The following IFIT1 variants were observed in gnomAD, a reference collection of about 807,000 sequenced individuals.
IFIT1 encodes the protein antiviral innate immune response effector IFIT1.
A neutral mutation model predicts 2.5 loss-of-function variants in IFIT1; 1 was observed. The observed-to-expected ratio is 0.40, with a 90% CI of 0.14 to 1.92. The LOEUF is 1.92. Among genes scored for constraint, IFIT1 ranks in the 40% most tolerant of loss-of-function variants. IFIT1 has a pLI of 0.31. For synonymous variants in IFIT1, 191 were observed against 201.7 expected (o/e 0.95, Z 0.45); for missense variants, 508 against 557.8 (o/e 0.91, Z 0.90).
chr10:89,402,244 C>A (rs903188551), intron 1 of IFIT1, 37 bp from the exon 2 acceptor site: 10 of 1,384,012 alleles, frequency 7.2e-6, no homozygotes, highest in South Asian at 1.3e-5. Context: ...TTAGCTGTTC[C>A]TCACCTAACA....
chr10:89,399,919 G>T (rs1464853486), intron 1 of IFIT1, among the ~76,000 whole-genome samples: 2 of 152,164 alleles, frequency 1.3e-5, no homozygotes, highest in East Asian at 3.8e-4. Context: ...CAGCAAGAAG[G>T]AGCCATCTGC....
chr10:89,398,447 C>A (rs1844376420), intron 1 of IFIT1, among the ~76,000 whole-genome samples: 1 of 152,194 alleles, frequency 6.6e-6, no homozygotes, highest in South Asian at 2.1e-4. Context: ...TCTCTGGCCA[C>A]TAGAGCCAGG....
rs753997422 is a variant in IFIT1, at chr10:89,402,615, G to A, written c.340G>A (p.Ala114Thr). The change falls in exon 2 of 2, where the codon GCC (alanine) becomes ACC (threonine). Residue 114 changes from alanine (A) to threonine (T), a missense_variant. Ala to Thr is a moderately conservative substitution (Grantham distance 58, BLOSUM62 0). Transcript: ENST00000371804. ...TTACCACATGGGCAGACTGGCAGAA[G>A]CCCAGACTTACCTGGACAAGGTGGA... ...MYYHMGRLAEAQTYLDKVENI... is the reference protein window; with the variant it reads ...MYYHMGRLAETQTYLDKVENI... 1.9e-6 allele frequency: 3 copies of A among 1,614,232 alleles called. No individual in the cohort carries two copies. Among genetic ancestry groups the A allele is most frequent in the East Asian group, 4.5e-5 (2 of 44,892 alleles).
rs1412873668 is a variant in IFIT1 at position 89,392,829 on chromosome 10, G to T, written c.5+112G>T. On this transcript the variant is annotated intron_variant, in intron 1 of 1. Transcript: ENST00000371804. ...GTGAGGTCAGGTTTTCTAATTCCTC[G>T]ATTTGAGTATCTGCTTATGGACTGA... The T allele has an allele frequency of 8.2e-6, 9 of 1,094,454 alleles. No individual in the cohort carries two copies. In the East Asian group the frequency reaches 1.7e-4, roughly 21 times the overall value. 67.8% of individuals were successfully genotyped at this position (1,094,454 alleles called of 1,614,324 possible). A position where few individuals can be genotyped will look rare whatever the true frequency, so the allele number is the denominator to read the frequency against.
intron 1 of IFIT1, among the ~76,000 whole-genome samples, chr10:89,394,269 T>G (rs977440541): frequency 1.2e-4 from 18 of 152,140 alleles, no homozygotes; most frequent in African/African-American, 4.3e-4. Flanking sequence ...GGCATTAAAA[T>G]CTTATAGGAC....
In IFIT1 at chr10:89,403,145, G is replaced by A. The variant is rs1589640407; in HGVS notation, c.870G>A (p.Gln290=). The A allele has an allele frequency of 2.5e-6, 4 of 1,614,056 alleles. 1 individual carries two copies. Among genetic ancestry groups the A allele is most frequent in the Middle Eastern group, 1.6e-4 (1 of 6,062 alleles). ...CCACTTCTGTCTTACTGCATCACCA[G>A]ATAGGGCTTTGCTACAAGGCACAAA... ...ETPTSVLLHH[Q]IGLCYKAQMI... The change falls in exon 2 of 2, where the codon CAG becomes CAA. Residue 290 remains glutamine, a synonymous_variant. Coordinates refer to ENST00000371804, the MANE Select transcript of IFIT1 (RefSeq NM_001548.5).
intron 1 of IFIT1, among the ~76,000 whole-genome samples, chr10:89,398,068 T>C (rs79739660): frequency 2.0e-5 from 3 of 152,184 alleles, no homozygotes; most frequent in Admixed American, 2.0e-4. Flanking sequence ...AAACAATCAT[T>C]TCCTATTCCC....
At chr10:89,395,613 G>A (rs1844331261) in intron 1 of IFIT1, among the ~76,000 whole-genome samples, 1 of 152,082 alleles carries the variant, frequency 6.6e-6, no homozygotes, top group African/African-American at 2.4e-5. Context: ...AACCACAAGG[G>A]CATCTGCCTG....
At position 89,402,807 on chromosome 10, in the gene IFIT1, A is replaced by G. The variant is rs1844454541; in HGVS notation, c.532A>G (p.Ser178Gly). ...AGTGGACCCTGAAAACCCTGAATCC[A>G]GCGCTGGGTATGCGATCTCTGCCTA... ...LEVDPENPES[S>G]AGYAISAYRL... The change falls in exon 2 of 2, where the codon AGC becomes GGC. Residue 178 changes from serine (S) to glycine (G), a missense_variant. Ser to Gly is a moderately conservative substitution (Grantham distance 56). Coordinates refer to ENST00000371804, the MANE Select transcript of IFIT1 (RefSeq NM_001548.5). 2 of 1,614,226 alleles carry G rather than the reference A, an allele frequency of 1.2e-6. No homozygotes were observed. Among genetic ancestry groups the G allele is most frequent in the East Asian group, 4.5e-5 (2 of 44,886 alleles).
At position 89,398,619 on chromosome 10, in the gene IFIT1, A is replaced by G. The variant is rs540807209; in HGVS notation, c.6-3662A>G. ...TACTCTAGGTAGCTTATATAAATTG[A>G]ATCATACAATATTGTCCTTTTGTGA... On this transcript the variant is annotated intron_variant, in intron 1 of 1. Transcript: ENST00000371804. Among the ~76,000 whole-genome samples the G allele has an allele frequency of 2.6e-5, 4 of 152,348 alleles. No individual in the cohort carries two copies. The South Asian group carries it at 8.3e-4, about 32-fold the overall frequency.
At chr10:89,395,744 A>G (rs1844333778) in intron 1 of IFIT1, among the ~76,000 whole-genome samples, 1 of 152,204 alleles carries the variant, frequency 6.6e-6, no homozygotes, top group African/African-American at 2.4e-5. Context: ...TCCATGACCA[A>G]ATACCCTGAA....
intron 1 of IFIT1, 103 bp from the exon 2 acceptor site, chr10:89,402,178 T>C (rs1184721454): frequency 1.4e-6 from 1 of 715,786 alleles, no homozygotes; most frequent in Non-Finnish European, 2.3e-6. Flanking sequence ...CTAAGTAAGT[T>C]GATCCTTTCA....
At chr10:89,401,164 C>T (rs545851658) in intron 1 of IFIT1, among the ~76,000 whole-genome samples, 40 of 151,340 alleles carry the variant, frequency 2.6e-4, no homozygotes, top group Admixed American at 2.6e-4. Flanking sequence ...TTACCTAGGC[C>T]AGAGTGCAGT....
intron 1 of IFIT1, among the ~76,000 whole-genome samples, chr10:89,396,271 G>C (rs1418245157): frequency 6.6e-6 from 1 of 152,120 alleles, no homozygotes; most frequent in Non-Finnish European, 1.5e-5. Flanking sequence ...AGTCCTTTTT[G>C]TGTTGCTATA....
rs746430610 is a variant in IFIT1, at chr10:89,392,679, A to G, written c.-34A>G. The G allele has an allele frequency of 6.2e-7, 1 of 1,613,600 alleles. No individual in the cohort carries two copies. The highest frequency in any genetic ancestry group is 1.1e-5 in the South Asian group (1 of 91,062). On this transcript the variant is annotated 5_prime_UTR_variant, in exon 1 of 2. Coordinates refer to ENST00000371804, the MANE Select transcript of IFIT1 (RefSeq NM_001548.5). ...TCTCAGAGGAGCCTGGCTAAGCAAA[A>G]CCCTGCAGAACGGCTGCCTAATTTA...
chr10:89,392,848 G>A (rs987011981), intron 1 of IFIT1, 131 bp downstream of exon 1: 5 of 903,934 alleles, frequency 5.5e-6, no homozygotes, highest in African/African-American at 1.7e-5. Flanking sequence ...ATCTGCTTAT[G>A]GACTGAATGT....
chr10:89,401,739 G>A (rs1844426963), intron 1 of IFIT1, among the ~76,000 whole-genome samples: 1 of 150,802 alleles, frequency 6.6e-6, no homozygotes, highest in African/African-American at 2.4e-5. Flanking sequence ...TCTCTGTACT[G>A]TCTTTGCAAC....
At chr10:89,396,096 C>A (rs1312628652) in intron 1 of IFIT1, among the ~76,000 whole-genome samples, 1 of 152,004 alleles carries the variant, frequency 6.6e-6, no homozygotes, top group Non-Finnish European at 1.5e-5. Flanking sequence ...AGTATATATC[C>A]AGATGTGGAA....
Position 89,403,959 on chromosome 10 carries a change from T to C in IFIT1, c.*247T>C, listed in dbSNP as rs1844487241. On this transcript the variant is annotated 3_prime_UTR_variant, in exon 2 of 2. Transcript: ENST00000371804. ...AGAGAAAAAATGTTAGTTAACTTTG[T>C]AGGAAATAAAACATTGGACTTACAC... 1 of 364,040 alleles carries C rather than the reference T, an allele frequency of 2.7e-6. No homozygotes were observed. Among genetic ancestry groups the C allele is most frequent in the Non-Finnish European group, 4.9e-6 (1 of 205,260 alleles). 22.6% of individuals were successfully genotyped at this position (364,040 alleles called of 1,614,324 possible). A position where few individuals can be genotyped will look rare whatever the true frequency, so the allele number is the denominator to read the frequency against.
Sources: gnomAD v4.1 joint callset for allele counts (sites outside exome capture counted in the v4.1 genomes callset) on GRCh38, gnomAD v4.1.1 for gene constraint, MANE v1.5 for transcripts, NCBI Gene and HGNC (gene_info 2026-07-23, HGNC 2026-07-21) for gene names.